The following NAALADL2 variants were observed in gnomAD, a reference collection of about 807,000 sequenced individuals.
NAALADL2 encodes the protein inactive N-acetylated-alpha-linked acidic dipeptidase-like protein 2.
In NAALADL2, 76 loss-of-function variants were observed where a neutral mutation model predicts 87.2. The ratio of observed to expected loss-of-function variants is 0.87; its 90% CI spans 0.72 to 1.05. The LOEUF is 1.05. Ranked by LOEUF, NAALADL2 falls within the 50% of genes least tolerant of loss-of-function variation. The pLI, the probability that NAALADL2 is intolerant of heterozygous loss-of-function variation, is 0.00. For missense variants in NAALADL2, 1,089 were observed against 945.8 expected, an observed-to-expected ratio of 1.15 and a Z score of -1.99; for synonymous variants, 354 against 331.0, an observed-to-expected ratio of 1.07 and a Z score of -0.75.
intron 3 of NAALADL2, among the ~76,000 whole-genome samples, chr3:174,765,920 T>C (rs1400007809): frequency 6.6e-6 from 1 of 152,132 alleles, no homozygotes; most frequent in Non-Finnish European, 1.5e-5. Flanking sequence ...ACTCTATGAG[T>C]AATTGACTGT....
intron 5 of NAALADL2, among the ~76,000 whole-genome samples, chr3:175,370,910 G>T (rs1246421602): frequency 1.3e-5 from 2 of 152,128 alleles, no homozygotes; most frequent in East Asian, 3.9e-4. Flanking sequence ...TTTGCTTTCA[G>T]CTGAGAGCAA....
At chr3:175,058,974 A>G (rs1044255467) in intron 1 of NAALADL2, among the ~76,000 whole-genome samples, 6 of 152,194 alleles carry the variant, frequency 3.9e-5, no homozygotes, top group African/African-American at 1.4e-4. Context: ...ATCTTTGTAT[A>G]ATCCTCATAG....
At chr3:174,503,630 T>C (rs1408048848) in intron 1 of NAALADL2, among the ~76,000 whole-genome samples, 1 of 152,174 alleles carries the variant, frequency 6.6e-6, no homozygotes, top group Non-Finnish European at 1.5e-5. Context: ...GATTTGTGCT[T>C]ATTTCACTTA....
At chr3:174,578,381 T>G (rs1001378389) in intron 2 of NAALADL2, among the ~76,000 whole-genome samples, 1 of 151,922 alleles carries the variant, frequency 6.6e-6, no homozygotes, top group African/African-American at 2.4e-5. Flanking sequence ...TGAAAATCAT[T>G]ACATTATATA....
intron 10 of NAALADL2, 92 bp downstream of exon 10, chr3:175,576,279 A>G: frequency 8.6e-7 from 1 of 1,160,908 alleles, no homozygotes; most frequent in African/African-American, 1.6e-5. Flanking sequence ...TTTCATATCA[A>G]ATAGGTCACT....
chr3:175,380,208 T>C (rs1487808491), intron 5 of NAALADL2, among the ~76,000 whole-genome samples: 7 of 152,142 alleles, frequency 4.6e-5, no homozygotes, highest in Admixed American at 3.3e-4. Flanking sequence ...ATAATAATAA[T>C]TAAAAAAATA....
At chr3:175,129,827 A>G (rs1727533758) in intron 2 of NAALADL2, among the ~76,000 whole-genome samples, 1 of 152,164 alleles carries the variant, frequency 6.6e-6, no homozygotes, top group Non-Finnish European at 1.5e-5. Flanking sequence ...TTTTCTTTGA[A>G]TGTATTCCCA....
At chr3:174,752,566 T>C (rs183043774) in intron 3 of NAALADL2, among the ~76,000 whole-genome samples, 1 of 151,648 alleles carries the variant, frequency 6.6e-6, no homozygotes. Context: ...TATTTTATTT[T>C]AAAAAAAATA....
intron 11 of NAALADL2, among the ~76,000 whole-genome samples, chr3:175,690,329 A>G (rs1171285019): frequency 6.7e-5 from 10 of 149,594 alleles, no homozygotes; most frequent in African/African-American, 2.4e-4. Flanking sequence ...ATCTGTTAAG[A>G]GAGGAGAGAA....
intron 4 of NAALADL2, among the ~76,000 whole-genome samples, chr3:175,318,996 A>G (rs189587048): frequency 6.6e-6 from 1 of 152,294 alleles, no homozygotes; most frequent in Admixed American, 6.5e-5. Context: ...ATATTCTTCT[A>G]TAGTAAGCAA....
At chr3:174,924,697 A>G (rs1735734925) in intron 1 of NAALADL2, among the ~76,000 whole-genome samples, 1 of 152,026 alleles carries the variant, frequency 6.6e-6, no homozygotes, top group Non-Finnish European at 1.5e-5. Context: ...AAGTGTTCCT[A>G]TTTGTCCACA....
chr3:175,584,706 C>T (rs1582504385), intron 10 of NAALADL2, among the ~76,000 whole-genome samples: 2 of 152,292 alleles, frequency 1.3e-5, no homozygotes, highest in East Asian at 3.9e-4. Flanking sequence ...GTAGACTGTA[C>T]TGAATACTAG....
intron 2 of NAALADL2, among the ~76,000 whole-genome samples, chr3:175,193,846 G>C (rs1254205408): frequency 6.6e-6 from 1 of 151,752 alleles, no homozygotes; most frequent in Non-Finnish European, 1.5e-5. Flanking sequence ...AGTTTATTTA[G>C]AATACAAAAG....
At chr3:175,686,586 TTAAA>T (rs200464899) in intron 11 of NAALADL2, among the ~76,000 whole-genome samples, 3,003 of 152,236 alleles carry the variant, frequency 0.02, 69 homozygotes, top group Non-Finnish European at 0.024. Flanking sequence ...TTTAATTCAA[TTAAA>T]TAATGCAATT....
At chr3:175,554,588 C>A (rs916109474) in intron 9 of NAALADL2, among the ~76,000 whole-genome samples, 1 of 151,776 alleles carries the variant, frequency 6.6e-6, no homozygotes, top group African/African-American at 2.4e-5. Context: ...CATGGGGGTA[C>A]CTTCTCAGAA....
chr3:175,645,423 C>T (rs1729864496), intron 11 of NAALADL2, among the ~76,000 whole-genome samples: 1 of 152,094 alleles, frequency 6.6e-6, no homozygotes, highest in South Asian at 2.1e-4. Flanking sequence ...TAAATACAAA[C>T]TATGCTAAGG....
At chr3:175,269,175 G>C (rs1306408640) in intron 4 of NAALADL2, among the ~76,000 whole-genome samples, 1 of 152,038 alleles carries the variant, frequency 6.6e-6, no homozygotes, top group Non-Finnish European at 1.5e-5. Flanking sequence ...CTAGCCTCAA[G>C]TGATCCATTC....
chr3:175,324,774 TG>T (rs1760474889), intron 5 of NAALADL2, among the ~76,000 whole-genome samples: 1 of 152,216 alleles, frequency 6.6e-6, no homozygotes, highest in African/African-American at 2.4e-5. Flanking sequence ...GAAAAGATGC[TG>T]TAGAAGAATG....
chr3:175,080,973 C>A (rs754625395), intron 1 of NAALADL2: 17 of 152,146 alleles, frequency 1.1e-4, no homozygotes, highest in African/African-American at 1.9e-4. Flanking sequence ...TACGTAAGGG[C>A]AATAGAAGAG....
Sources: allele counts gnomAD v4.1 joint callset (sites outside exome capture counted in the v4.1 genomes callset), GRCh38; gene constraint gnomAD v4.1.1; transcripts MANE v1.5; gene names NCBI Gene and HGNC (gene_info 2026-07-23, HGNC 2026-07-21).